ZCCHC10: variants seen among roughly 807,000 people sequenced by gnomAD.
ZCCHC10 encodes the protein zinc finger CCHC-type containing 10.
Under a neutral mutation model 19.5 loss-of-function variants are expected in ZCCHC10, and 16 were observed. The ratio of observed to expected loss-of-function variants is 0.82; its 90% CI spans 0.56 to 1.25. The LOEUF (loss-of-function observed/expected upper bound fraction) is 1.25. Among genes scored for constraint, ZCCHC10 ranks in the 50% most tolerant of loss-of-function variants. ZCCHC10 has a pLI of 0.00. For missense variants in ZCCHC10, 197 were observed against 201.0 expected (o/e 0.98, Z 0.12); for synonymous variants, 67 against 72.5 (o/e 0.92, Z 0.38).
At position 133,020,057 on chromosome 5, in the gene ZCCHC10, A is replaced by G. The variant is rs116795921; in HGVS notation, c.107+2784T>C. 1.6e-3 allele frequency among the ~76,000 whole-genome samples: 247 copies of G among 151,226 alleles called. 1 individual carries two copies. Among genetic ancestry groups the G allele is most frequent in the African/African-American group, 5.7e-3 (237 of 41,242 alleles). On this transcript the variant is annotated intron_variant, in intron 2 of 4. Coordinates refer to ENST00000509437, the MANE Select transcript of ZCCHC10 (RefSeq NM_001300816.3). ...AAACAATAGAGCAACTAGGCCAGGC[A>G]CAGTGGCTCATGCCTATAATCCCAG... is the stretch of plus-strand genomic sequence containing the variant.
chr5:133,019,818 G>T (rs1279283030), intron 2 of ZCCHC10, among the ~76,000 whole-genome samples: 1 of 151,840 alleles, frequency 6.6e-6, no homozygotes, highest in Non-Finnish European at 1.5e-5. Flanking sequence ...GCTGCGTGGG[G>T]TGGTGCATCT....
At chr5:133,022,632 T>G (rs1294778853) in intron 2 of ZCCHC10, among the ~76,000 whole-genome samples, 2 of 152,090 alleles carry the variant, frequency 1.3e-5, no homozygotes, top group Non-Finnish European at 2.9e-5. Context: ...TTTGTAATTT[T>G]TGTAGAGATG....
intron 3 of ZCCHC10, among the ~76,000 whole-genome samples, chr5:133,001,400 A>C (rs1383105032): frequency 5.4e-5 from 4 of 73,992 alleles, no homozygotes; most frequent in Non-Finnish European, 5.3e-5. Context: ...CAAAATAAAA[A>C]CAACAACAAC....
At chr5:133,014,154 C>CTTTTTTTT (rs767551153) in intron 2 of ZCCHC10, among the ~76,000 whole-genome samples, 1 of 113,078 alleles carries the variant, frequency 8.8e-6, no homozygotes, top group Non-Finnish European at 1.7e-5. Flanking sequence ...ACTATTTACT[C>CTTTTTTTT]TTTTTTTTTT....
chr5:133,017,517 G>A (rs763038189), intron 2 of ZCCHC10, among the ~76,000 whole-genome samples: 98 of 151,838 alleles, frequency 6.5e-4, no homozygotes, highest in Non-Finnish European at 1.1e-3. Flanking sequence ...CCACAGGTGC[G>A]CACCACCACA....
chr5:133,001,181 A>T (rs1762747439), intron 3 of ZCCHC10, among the ~76,000 whole-genome samples: 1 of 151,584 alleles, frequency 6.6e-6, no homozygotes, highest in Non-Finnish European at 1.5e-5. Context: ...TGAGGTCAGG[A>T]GTTCGAGACC....
chr5:133,001,339 T>C (rs989263259), intron 3 of ZCCHC10, among the ~76,000 whole-genome samples: 2 of 151,848 alleles, frequency 1.3e-5, no homozygotes, highest in Non-Finnish European at 2.9e-5. Context: ...TGCAGTGAGC[T>C]GAGATCGCAC....
intron 2 of ZCCHC10, among the ~76,000 whole-genome samples, chr5:133,009,002 G>T (rs183718309): frequency 6.6e-6 from 1 of 151,732 alleles, no homozygotes; most frequent in African/African-American, 2.4e-5. Context: ...GACAGAGGGA[G>T]ATTCTCTTTT....
intron 2 of ZCCHC10, among the ~76,000 whole-genome samples, chr5:133,012,471 G>GA (rs11415290): frequency 0.37 from 47,597 of 129,350 alleles, 8,404 homozygotes; most frequent in African/African-American, 0.51. Context: ...CCATCTCAAA[G>GA]AAAAAAAAAA....
intron 2 of ZCCHC10, among the ~76,000 whole-genome samples, chr5:133,009,581 T>C: frequency 7.5e-6 from 1 of 132,912 alleles, no homozygotes; most frequent in African/African-American, 3.0e-5. Context: ...GCCACTGCAC[T>C]CTGGCCTGGG....
At chr5:133,012,305 TAA>T (rs1056836233) in intron 2 of ZCCHC10, among the ~76,000 whole-genome samples, 1 of 149,982 alleles carries the variant, frequency 6.7e-6, no homozygotes, top group Non-Finnish European at 1.5e-5. Flanking sequence ...CCATCTTTAC[TAA>T]AAATATAAAA....
At chr5:133,022,735 G>C (rs1167468051) in intron 2 of ZCCHC10, 106 bp downstream of exon 2, 3 of 395,654 alleles carry the variant, frequency 7.6e-6, no homozygotes. Context: ...ACAGGCATGA[G>C]CCACCACGCC....
At chr5:133,018,443 A>G (rs1380035619) in intron 2 of ZCCHC10, among the ~76,000 whole-genome samples, 2 of 151,764 alleles carry the variant, frequency 1.3e-5, no homozygotes, top group Non-Finnish European at 2.9e-5. Flanking sequence ...TCTGTCGTCC[A>G]GGCTGGAGTA....
rs544235668 is a variant in ZCCHC10, at chr5:133,003,729, G to A, written c.269+3030C>T. On this transcript the variant is annotated intron_variant, in intron 3 of 4. Coordinates refer to ENST00000509437, the MANE Select transcript of ZCCHC10 (RefSeq NM_001300816.3). ...ATGTGTATATATATATATTTTTGGC[G>A]AGATACAGTCTCACTGTATCACCCA... Among the ~76,000 whole-genome samples, 7 of 152,172 alleles carry A rather than the reference G, an allele frequency of 4.6e-5. No individual in the cohort carries two copies. In the East Asian group the frequency reaches 9.6e-4, roughly 21 times the overall value.
At chr5:133,004,655 A>AT (rs1255699452) in intron 3 of ZCCHC10, among the ~76,000 whole-genome samples, 29 of 151,018 alleles carry the variant, frequency 1.9e-4, no homozygotes, top group African/African-American at 6.8e-4. Context: ...CGCCCGGCTG[A>AT]TTTTTTGTAT....
chr5:133,018,161 A>G (rs1764050815), intron 2 of ZCCHC10, among the ~76,000 whole-genome samples: 2 of 146,776 alleles, frequency 1.4e-5, no homozygotes, highest in Non-Finnish European at 3.0e-5. Context: ...AAAAAAAAAA[A>G]AGACAAAATT....
At chr5:133,001,571 C>G (rs1226914068) in intron 3 of ZCCHC10, among the ~76,000 whole-genome samples, 2 of 151,984 alleles carry the variant, frequency 1.3e-5, no homozygotes, top group African/African-American at 4.8e-5. Context: ...AAGCAATCCT[C>G]CCACCTCAAC....
chr5:133,006,896 T>C lies in ZCCHC10; in HGVS notation c.132A>G (p.Arg44=). 1 of 1,609,716 alleles carries C rather than the reference T, an allele frequency of 6.2e-7. No individual in the cohort carries two copies. The highest frequency in any genetic ancestry group is 8.5e-7 in the Non-Finnish European group (1 of 1,178,608). ...VISEANKQHV[R]CQKCLEFGHW... ...GTCCAAATTCCAAGCATTTCTGACA[T>C]CTTACATGTTGCTTATTTGCTTCAC... is the stretch of plus-strand genomic sequence containing the variant. The change falls in exon 3 of 5, where the codon AGA becomes AGG. Residue 44 remains arginine (R), a synonymous_variant. Transcript: ENST00000509437.
chr5:133,004,780 G>A (rs917533876), intron 3 of ZCCHC10, among the ~76,000 whole-genome samples: 6 of 151,924 alleles, frequency 3.9e-5, no homozygotes, highest in Non-Finnish European at 8.8e-5. Flanking sequence ...GTAAGCCACC[G>A]TGCCCGGCTT....
Sources: gnomAD v4.1 joint callset for allele counts (sites outside exome capture counted in the v4.1 genomes callset) on GRCh38, gnomAD v4.1.1 for gene constraint, MANE v1.5 for transcripts, NCBI Gene and HGNC (gene_info 2026-07-23, HGNC 2026-07-21) for gene names.